CYP3A43: variants seen among roughly 807,000 people sequenced by gnomAD.
CYP3A43 encodes the protein cytochrome P450 3A43.
CYP3A43 carries 45 observed loss-of-function variants against 58.0 expected under a neutral mutation model. That is an observed-to-expected ratio of 0.78 (90% CI 0.61 to 0.99). The LOEUF (loss-of-function observed/expected upper bound fraction) is 0.99. Ranked by LOEUF, CYP3A43 falls within the 50% of genes least tolerant of loss-of-function variation. The pLI is 0.00. For missense variants in CYP3A43, 593 were observed against 591.9 expected (o/e 1.00, Z -0.02); for synonymous variants, 191 against 201.4 (o/e 0.95, Z 0.44).
At chr7:99,830,844 T>G (rs539729931) in intron 1 of CYP3A43, among the ~76,000 whole-genome samples, 2 of 152,364 alleles carry the variant, frequency 1.3e-5, no homozygotes, top group Admixed American at 6.5e-5. Flanking sequence ...TTAGTTCATT[T>G]CTCAGACTCA....
intron 3 of CYP3A43, among the ~76,000 whole-genome samples, chr7:99,843,006 C>T (rs1451235231): frequency 6.6e-6 from 1 of 152,220 alleles, no homozygotes; most frequent in Non-Finnish European, 1.5e-5. Flanking sequence ...TATCCCTCCA[C>T]CCAATCCAAG....
chr7:99,864,331 T>C (rs1818361679), intron 12 of CYP3A43, among the ~76,000 whole-genome samples: 1 of 148,938 alleles, frequency 6.7e-6, no homozygotes, highest in South Asian at 2.1e-4. Context: ...CCATTTGACC[T>C]TATCTTCCAG....
chr7:99,847,572 C>T lies in CYP3A43; in HGVS notation c.403C>T (p.Pro135Ser). ...EWKRIRTLLS[P>S]AFTSVKFKEM... Reference sequence around the variant, plus strand: ...GAAGAGAATACGAACATTGCTATCTCCAGCTTTCACCAGTGTAAAATTCAA... The same window carrying T: ...GAAGAGAATACGAACATTGCTATCTTCAGCTTTCACCAGTGTAAAATTCAA... Residue 135 changes from proline (P) to serine (S), a missense_variant, in exon 5 of 13, where the codon CCA becomes TCA. Coordinates refer to ENST00000354829, the MANE Select transcript of CYP3A43 (RefSeq NM_057095.3). The T allele has an allele frequency of 6.2e-7, 1 of 1,613,794 alleles. No individual in the cohort carries two copies. Among genetic ancestry groups the T allele is most frequent in the Non-Finnish European group, 8.5e-7 (1 of 1,179,886 alleles).
At chr7:99,847,998 C>A in intron 5 of CYP3A43, 168 bp from the exon 6 acceptor site, 1 of 685,250 alleles carries the variant, frequency 1.5e-6, no homozygotes, top group Non-Finnish European at 2.4e-6. Context: ...GCAACAAGAG[C>A]GAAACTCTGT....
intron 12 of CYP3A43, among the ~76,000 whole-genome samples, chr7:99,864,952 T>A (rs1818387654): frequency 6.7e-6 from 1 of 148,610 alleles, no homozygotes; most frequent in Admixed American, 6.6e-5. Context: ...CAAGGCCCTA[T>A]AAGCCTTATT....
rs755531911 is a variant in CYP3A43, at chr7:99,855,584, C to T, written c.671-7C>T. On this transcript the variant is annotated splice_region_variant and splice_polypyrimidine_tract_variant and intron_variant, in intron 7 of 12. Coordinates refer to ENST00000354829, the MANE Select transcript of CYP3A43 (RefSeq NM_057095.3). ...ATTTTTTCTTTTTCTATTTAATTTT[C>T]CTATAGCACTCTTTCCATTTCTTAC... The T allele has an allele frequency of 1.3e-6, 2 of 1,592,108 alleles. No homozygotes were observed. Among genetic ancestry groups the T allele is most frequent in the Admixed American group, 3.7e-5 (2 of 54,592 alleles).
intron 5 of CYP3A43, 139 bp downstream of exon 5, chr7:99,847,740 A>G: frequency 7.4e-7 from 1 of 1,349,928 alleles, no homozygotes; most frequent in Non-Finnish European, 1.0e-6. Context: ...AGCTGGGCAC[A>G]GTGGCTCATG....
intron 1 of CYP3A43, among the ~76,000 whole-genome samples, chr7:99,835,594 A>G (rs1178822779): frequency 1.3e-5 from 2 of 152,212 alleles, no homozygotes; most frequent in Non-Finnish European, 1.5e-5. Flanking sequence ...CATAACATAC[A>G]TATAGCTGAT....
chr7:99,859,642 A>T (rs139602553), intron 9 of CYP3A43, among the ~76,000 whole-genome samples, 188 bp from the exon 10 acceptor site: 1,987 of 152,298 alleles, frequency 0.013, 19 homozygotes, highest in Middle Eastern at 0.027. Context: ...AAACTGGATT[A>T]AAGTGACTTT....
At position 99,855,708 on chromosome 7, in the gene CYP3A43, A is replaced by G; in HGVS notation, c.788A>G (p.Asp263Gly). The G allele has an allele frequency of 6.2e-7, 1 of 1,608,068 alleles. No individual in the cohort carries two copies. The highest frequency in any genetic ancestry group is 1.1e-5 in the South Asian group (1 of 89,644). ...IERMKESRLK[D>G]KQKHRVDFFQ... is the part of the protein sequence containing the mutation. ...AGGATGAAAGAAAGTCGCCTCAAAG[A>G]TAAACAAAAGGTAAAATCTGGTGGT... is the stretch of plus-strand genomic sequence containing the variant. Residue 263 changes from aspartate (D) to glycine (G), a missense_variant, in exon 8 of 13, where the codon GAT becomes GGT. By Grantham distance (94) the Asp-to-Gly change is moderately conservative (BLOSUM62 -1). Transcript: ENST00000354829.
intron 6 of CYP3A43, among the ~76,000 whole-genome samples, 183 bp from the exon 7 acceptor site, chr7:99,849,363 C>A (rs1817658908): frequency 6.6e-6 from 1 of 152,208 alleles, no homozygotes; most frequent in African/African-American, 2.4e-5. Context: ...AGCACAGGGC[C>A]AGCTGCATCA....
chr7:99,836,794 T>C (rs975321448), intron 2 of CYP3A43, among the ~76,000 whole-genome samples: 2 of 152,144 alleles, frequency 1.3e-5, no homozygotes, highest in Non-Finnish European at 2.9e-5. Flanking sequence ...GTTCAGGACT[T>C]GATGTTCAGA....
At chr7:99,847,889 A>C (rs950572404) in intron 5 of CYP3A43, 4 of 519,652 alleles carry the variant, frequency 7.7e-6, no homozygotes, top group Non-Finnish European at 1.4e-5. Context: ...GCGGATGCCT[A>C]TAATCCTAGC....
At chr7:99,837,477 G>A (rs562792506) in intron 2 of CYP3A43, among the ~76,000 whole-genome samples, 2 of 152,272 alleles carry the variant, frequency 1.3e-5, no homozygotes, top group South Asian at 4.2e-4. Flanking sequence ...CTTCTCCCCA[G>A]GATGTATTTT....
Position 99,849,737 on chromosome 7 carries a change from A to G in CYP3A43, c.670+43A>G, listed in dbSNP as rs981911796. The stretch of plus-strand genomic sequence containing the variant: ...TTATTTCTCTCTCTCTCTCTCTCTC[A>G]TCTAATTTTTAAAAACAGTTTTATT... On this transcript the variant is annotated intron_variant, in intron 7 of 12. Coordinates refer to ENST00000354829, the MANE Select transcript of CYP3A43 (RefSeq NM_057095.3). The G allele has an allele frequency of 5.4e-6, 8 of 1,484,598 alleles. No homozygotes were observed. The East Asian group carries it at 6.9e-5, about 13-fold the overall frequency. The allele number at this position is 1,484,598 out of a possible 1,614,324, so 92.0% of individuals were successfully genotyped here.
chr7:99,860,022 G>A, intron 10 of CYP3A43, 32 bp downstream of exon 10: 1 of 1,546,710 alleles, frequency 6.5e-7, no homozygotes, highest in Non-Finnish European at 8.7e-7. Context: ...GAAGGAGGGA[G>A]AAGGTGAAGC....
chr7:99,846,188 G>T (rs1015993045), intron 4 of CYP3A43, among the ~76,000 whole-genome samples: 1 of 152,188 alleles, frequency 6.6e-6, no homozygotes, highest in Non-Finnish European at 1.5e-5. Flanking sequence ...GGGAAAATCT[G>T]TATCTTTACT....
At position 99,847,580 on chromosome 7, in the gene CYP3A43, C is replaced by T; in HGVS notation, c.411C>T (p.Phe137=). The part of the protein sequence containing the change: ...KRIRTLLSPA[F]TSVKFKEMVP... ...TACGAACATTGCTATCTCCAGCTTT[C>T]ACCAGTGTAAAATTCAAGGAAGTAA... The change falls in exon 5 of 13, where the codon TTC becomes TTT. Residue 137 remains phenylalanine (F), a synonymous_variant. Transcript: ENST00000354829. The T allele has an allele frequency of 6.2e-7, 1 of 1,613,808 alleles. No homozygotes were observed. Among genetic ancestry groups the T allele is most frequent in the Non-Finnish European group, 8.5e-7 (1 of 1,179,868 alleles).
At chr7:99,839,304 G>T in intron 3 of CYP3A43, 132 bp downstream of exon 3, 2 of 1,103,266 alleles carry the variant, frequency 1.8e-6, no homozygotes, top group East Asian at 2.4e-5. Flanking sequence ...ACAGAGAGAG[G>T]CTATCTAAAA....
Sources: allele counts gnomAD v4.1 joint callset (sites outside exome capture counted in the v4.1 genomes callset), GRCh38; gene constraint gnomAD v4.1.1; transcripts MANE v1.5; gene names NCBI Gene and HGNC (gene_info 2026-07-23, HGNC 2026-07-21).